The following ESRRG variants were observed in gnomAD, a reference collection of about 807,000 sequenced individuals.
ESRRG encodes estrogen related receptor gamma.
In ESRRG, 13 loss-of-function variants were observed where a neutral mutation model predicts 44.0. The observed-to-expected ratio is 0.30, with a 90% confidence interval of 0.19 to 0.47. ESRRG has a LOEUF of 0.47. Ranked by LOEUF, ESRRG falls within the 20% of genes least tolerant of loss-of-function variation. The probability of loss-of-function intolerance (pLI) is 1.00; values close to 1 mark genes in which losing one functional copy is unlikely to be tolerated. For synonymous variants in ESRRG, 215 were observed against 214.6 expected (o/e 1.00, Z -0.02); for missense variants, 395 against 580.6 (o/e 0.68, Z 3.29).
At chr1:217,073,283 AGG>A (rs2090847064) in intron 1 of ESRRG, among the ~76,000 whole-genome samples, 2 of 149,584 alleles carry the variant, frequency 1.3e-5, no homozygotes, top group Non-Finnish European at 3.0e-5. Flanking sequence ...ACCCAACTGT[AGG>A]CAAAATCCAT....
At chr1:216,655,081 C>A (rs2070111418) in intron 2 of ESRRG, among the ~76,000 whole-genome samples, 1 of 152,138 alleles carries the variant, frequency 6.6e-6, no homozygotes, top group South Asian at 2.1e-4. Flanking sequence ...CTCTGGTCTC[C>A]TTTCTATCCA....
rs551750803 is a variant in ESRRG at position 217,097,257 on chromosome 1, A to G, written c.-230+40410T>C. Among the ~76,000 whole-genome samples the G allele has an allele frequency of 1.4e-4, 21 of 151,960 alleles. 1 individual carries two copies. The South Asian group carries it at 4.4e-3, about 32-fold the overall frequency. On this transcript the variant is annotated intron_variant, in intron 1 of 8. Coordinates refer to the ESRRG transcript ENST00000366940. ...GAGGATGAGGCTGCAGTGAGCTGTGATCTCACCACTGCACTCCACCCCCTC... is the reference window on the plus strand; with the variant it reads ...GAGGATGAGGCTGCAGTGAGCTGTGGTCTCACCACTGCACTCCACCCCCTC...
intron 2 of ESRRG, among the ~76,000 whole-genome samples, chr1:216,801,652 T>G (rs977565375): frequency 3.3e-5 from 5 of 152,188 alleles, no homozygotes; most frequent in African/African-American, 1.2e-4. Flanking sequence ...TGAGATGATA[T>G]GTCATTGTGG....
intron 1 of ESRRG, among the ~76,000 whole-genome samples, chr1:216,992,224 C>A (rs2075820028): frequency 6.6e-6 from 1 of 152,226 alleles, no homozygotes; most frequent in Non-Finnish European, 1.5e-5. Context: ...TGATATTTAA[C>A]TACTTATGAC....
rs1358730743 is a variant in ESRRG, at chr1:216,779,224, T to A, written c.-13-101733A>T. 6.1e-4 allele frequency among the ~76,000 whole-genome samples: 40 copies of A among 65,700 alleles called. 3 individuals carry two copies. The highest frequency in any genetic ancestry group is 2.6e-3 in the African/African-American group (38 of 14,770). 43.1% of individuals were successfully genotyped at this position (65,700 alleles called of 152,430 possible). On this transcript the variant is annotated intron_variant, in intron 2 of 7. Coordinates refer to the ESRRG transcript ENST00000359162. Reference sequence around the variant, plus strand: ...TTATAAATATAAATATATATTTATATTTATAAATATAAATATATATTTATA... The same window carrying A: ...TTATAAATATAAATATATATTTATAATTATAAATATAAATATATATTTATA...
At chr1:217,051,864 G>A (rs2086109161) in intron 1 of ESRRG, among the ~76,000 whole-genome samples, 1 of 152,132 alleles carries the variant, frequency 6.6e-6, no homozygotes, top group Non-Finnish European at 1.5e-5. Flanking sequence ...CTGGGCTCAA[G>A]CAATCCTCCC....
intron 1 of ESRRG, chr1:217,137,643 G>T (rs111916837): frequency 0.048 from 7,378 of 152,588 alleles, 221 homozygotes; most frequent in African/African-American, 0.059. Flanking sequence ...TCGCTGCCGG[G>T]CTTGTGCGCC....
chr1:216,998,343 A>G (rs565081457), intron 1 of ESRRG, among the ~76,000 whole-genome samples: 63 of 152,328 alleles, frequency 4.1e-4, no homozygotes, highest in African/African-American at 1.4e-3. Flanking sequence ...ACTAAAAATG[A>G]AATTTTGAAT....
chr1:216,551,829 T>C (rs1456327708), intron 5 of ESRRG, among the ~76,000 whole-genome samples: 2 of 152,180 alleles, frequency 1.3e-5, no homozygotes, highest in Admixed American at 6.5e-5. Context: ...TTTAAATTCA[T>C]GTTATTTTAT....
chr1:216,624,648 C>T (rs1014100807), intron 3 of ESRRG, among the ~76,000 whole-genome samples: 3 of 152,150 alleles, frequency 2.0e-5, no homozygotes, highest in East Asian at 1.9e-4. Flanking sequence ...AATACATAAC[C>T]GAACCTTCAT....
chr1:217,113,230 G>A (rs2092679697), intron 1 of ESRRG, among the ~76,000 whole-genome samples: 1 of 152,164 alleles, frequency 6.6e-6, no homozygotes, highest in Non-Finnish European at 1.5e-5. Flanking sequence ...ACTAATATAT[G>A]AGACAGTAGA....
intron 1 of ESRRG, among the ~76,000 whole-genome samples, chr1:216,964,453 C>T (rs2069799998): frequency 6.6e-6 from 1 of 152,146 alleles, no homozygotes; most frequent in Non-Finnish European, 1.5e-5. Flanking sequence ...ATCCCATGGG[C>T]AACTCTGCTG....
chr1:216,754,459 T>A (rs2092314632), intron 2 of ESRRG, among the ~76,000 whole-genome samples: 1 of 152,058 alleles, frequency 6.6e-6, no homozygotes, highest in South Asian at 2.1e-4. Flanking sequence ...CTTTTATCAT[T>A]CAACATCCTT....
intron 2 of ESRRG, among the ~76,000 whole-genome samples, chr1:216,653,325 T>C (rs1364397809): frequency 6.6e-6 from 1 of 152,224 alleles, no homozygotes; most frequent in Non-Finnish European, 1.5e-5. Flanking sequence ...CCATGTGGCA[T>C]ACCGCTGTCA....
At chr1:216,871,542 C>T (rs575570828) in intron 2 of ESRRG, among the ~76,000 whole-genome samples, 1 of 151,852 alleles carries the variant, frequency 6.6e-6, no homozygotes, top group Non-Finnish European at 1.5e-5. Context: ...TTTTTTCTCT[C>T]TTAGTTTTAA....
intron 2 of ESRRG, among the ~76,000 whole-genome samples, chr1:216,771,117 T>C (rs556310044): frequency 6.6e-6 from 1 of 152,180 alleles, no homozygotes; most frequent in East Asian, 1.9e-4. Context: ...CAGGAGGCCA[T>C]CATGCACTTC....
chr1:216,799,818 C>T (rs1370466442), intron 2 of ESRRG, among the ~76,000 whole-genome samples: 11 of 152,118 alleles, frequency 7.2e-5, no homozygotes, highest in African/African-American at 2.7e-4. Flanking sequence ...ATTCCAGGCA[C>T]TTCCACGGGA....
At chr1:217,115,311 A>T (rs1023980225) in intron 1 of ESRRG, among the ~76,000 whole-genome samples, 4 of 152,204 alleles carry the variant, frequency 2.6e-5, no homozygotes, top group Non-Finnish European at 5.9e-5. Context: ...TATGCGATAA[A>T]TGTCAGCTGA....
At chr1:216,558,153 G>T (rs1029320322) in intron 5 of ESRRG, among the ~76,000 whole-genome samples, 1 of 152,158 alleles carries the variant, frequency 6.6e-6, no homozygotes, top group African/African-American at 2.4e-5. Context: ...AGGAAACCTA[G>T]CTACTTCTCT....
Sources: allele counts gnomAD v4.1 joint callset (sites outside exome capture counted in the v4.1 genomes callset), GRCh38; gene constraint gnomAD v4.1.1; transcripts MANE v1.5; gene names NCBI Gene and HGNC (gene_info 2026-07-23, HGNC 2026-07-21).